The following GRID2 variants were observed in gnomAD, a reference collection of about 807,000 sequenced individuals.
The protein encoded by GRID2 is glutamate receptor ionotropic, delta-2.
A neutral mutation model predicts 114.8 loss-of-function variants in GRID2; 33 were observed. That is an observed-to-expected ratio of 0.29 (90% CI 0.22 to 0.38). GRID2 has a LOEUF of 0.38. Among genes scored for constraint, GRID2 ranks in the 10% least tolerant of loss-of-function variants. GRID2 has a pLI of 1.00. For synonymous variants in GRID2, 505 were observed against 449.9 expected (o/e 1.12, Z -1.55); for missense variants, 1,184 against 1,257.7 (o/e 0.94, Z 0.89).
chr4:93,651,580 A>G (rs1722586419), intron 14 of GRID2, among the ~76,000 whole-genome samples: 1 of 152,170 alleles, frequency 6.6e-6, no homozygotes, highest in African/African-American at 2.4e-5. Context: ...TTGTATGCCT[A>G]TTTTGATGCA....
intron 4 of GRID2, chr4:93,112,095 C>G (rs1232054873): frequency 6.6e-6 from 1 of 152,022 alleles, no homozygotes; most frequent in East Asian, 1.9e-4. Context: ...GAAGTTGGGT[C>G]TTTCCTTCAA....
chr4:92,932,974 T>A (rs545770076), intron 2 of GRID2, among the ~76,000 whole-genome samples: 2 of 151,132 alleles, frequency 1.3e-5, no homozygotes, highest in African/African-American at 4.8e-5. Flanking sequence ...TGGGAAATAA[T>A]GGGAAAAGTC....
intron 8 of GRID2, among the ~76,000 whole-genome samples, chr4:93,316,282 ACG>A: frequency 2.2e-5 from 1 of 44,620 alleles, no homozygotes; most frequent in Non-Finnish European, 4.1e-5. Flanking sequence ...AAAGAAAAGA[ACG>A]AAAGAACGAA....
intron 1 of GRID2, among the ~76,000 whole-genome samples, chr4:92,510,970 T>C (rs1195998517): frequency 6.6e-6 from 1 of 151,680 alleles, no homozygotes; most frequent in Non-Finnish European, 1.5e-5. Context: ...TACTTAAATA[T>C]GGATAAAGTG....
intron 1 of GRID2, among the ~76,000 whole-genome samples, chr4:92,319,330 G>A (rs1008627349): frequency 1.3e-5 from 2 of 152,174 alleles, no homozygotes; most frequent in Admixed American, 1.3e-4. Flanking sequence ...CTGTAATGAT[G>A]AAAGAAAAAA....
At chr4:92,578,269 T>G in intron 1 of GRID2, among the ~76,000 whole-genome samples, 1 of 39,972 alleles carries the variant, frequency 2.5e-5, no homozygotes, top group African/African-American at 1.1e-4. Context: ...CCCTCCCCCC[T>G]CCCCCCACCC....
chr4:93,788,517 A>G (rs1734637289), intron 1 of GRID2, among the ~76,000 whole-genome samples: 1 of 152,180 alleles, frequency 6.6e-6, no homozygotes, highest in South Asian at 2.1e-4. Context: ...ATATATATAT[A>G]TAAACATGAC....
At chr4:93,633,055 C>G (rs796157086) in intron 14 of GRID2, among the ~76,000 whole-genome samples, 18 of 151,936 alleles carry the variant, frequency 1.2e-4, no homozygotes, top group African/African-American at 4.1e-4. Flanking sequence ...TTCTATCTCT[C>G]TCTCTCTACA....
chr4:93,232,199 A>G (rs1053561572), intron 7 of GRID2, among the ~76,000 whole-genome samples: 7 of 152,168 alleles, frequency 4.6e-5, no homozygotes, highest in Non-Finnish European at 1.0e-4. Flanking sequence ...ATTTTAGAAC[A>G]CCTTTACCTC....
At chr4:92,458,228 T>A (rs1194845534) in intron 1 of GRID2, among the ~76,000 whole-genome samples, 2 of 152,174 alleles carry the variant, frequency 1.3e-5, no homozygotes, top group Non-Finnish European at 2.9e-5. Context: ...AAATAATTAG[T>A]CTCTATGATA....
At chr4:92,712,366 A>G (rs569985966) in intron 2 of GRID2, among the ~76,000 whole-genome samples, 21 of 152,044 alleles carry the variant, frequency 1.4e-4, no homozygotes, top group Non-Finnish European at 2.5e-4. Context: ...TATTTTTCCA[A>G]TAAATTAAAC....
chr4:92,615,997 T>C (rs972276190), intron 2 of GRID2, among the ~76,000 whole-genome samples: 5 of 151,680 alleles, frequency 3.3e-5, no homozygotes, highest in African/African-American at 1.2e-4. Flanking sequence ...TGCATTTCTT[T>C]TAAATCAGTT....
At chr4:93,560,222 T>TA (rs70942974) in intron 13 of GRID2, among the ~76,000 whole-genome samples, 928 of 42,916 alleles carry the variant, frequency 0.022, 68 homozygotes, top group East Asian at 0.081. Flanking sequence ...GAACTTAAAG[T>TA]AAAAAAAAAA....
chr4:93,720,220 T>C (rs1259944899), intron 14 of GRID2, among the ~76,000 whole-genome samples: 1 of 152,196 alleles, frequency 6.6e-6, no homozygotes, highest in Non-Finnish European at 1.5e-5. Flanking sequence ...TCATTCCTGA[T>C]AGTTGTAGCT....
chr4:92,504,872 A>G (rs1003185501), intron 1 of GRID2, among the ~76,000 whole-genome samples: 1 of 152,060 alleles, frequency 6.6e-6, no homozygotes, highest in African/African-American at 2.4e-5. Flanking sequence ...CATCTACATG[A>G]GCCAATAATA....
At chr4:93,252,513 C>T (rs1401840272) in intron 8 of GRID2, among the ~76,000 whole-genome samples, 1 of 151,948 alleles carries the variant, frequency 6.6e-6, no homozygotes, top group Non-Finnish European at 1.5e-5. Flanking sequence ...ATGCCCCCAG[C>T]TTTGTTCTTT....
At chr4:92,569,621 C>T (rs1227625980) in intron 1 of GRID2, among the ~76,000 whole-genome samples, 1 of 152,058 alleles carries the variant, frequency 6.6e-6, no homozygotes, top group African/African-American at 2.4e-5. Context: ...TTTTCCACAA[C>T]CTTGCCAGCA....
At chr4:92,408,930 T>C (rs1033414502) in intron 1 of GRID2, among the ~76,000 whole-genome samples, 1 of 152,164 alleles carries the variant, frequency 6.6e-6, no homozygotes, top group Non-Finnish European at 1.5e-5. Context: ...GATTGACTTC[T>C]TCTTTTCCTA....
intron 13 of GRID2, among the ~76,000 whole-genome samples, chr4:93,604,400 G>C (rs1462590872): frequency 6.6e-6 from 1 of 152,186 alleles, no homozygotes; most frequent in Non-Finnish European, 1.5e-5. Context: ...AAATTTGAAT[G>C]AATAAGGAGT....
Sources: allele counts gnomAD v4.1 joint callset (sites outside exome capture counted in the v4.1 genomes callset), GRCh38; gene constraint gnomAD v4.1.1; transcripts MANE v1.5; gene names NCBI Gene and HGNC (gene_info 2026-07-23, HGNC 2026-07-21).